The following MEIS2 variants were observed in gnomAD, a reference collection of about 807,000 sequenced individuals.
MEIS2 encodes the protein Meis homeobox 2.
In MEIS2, 9 loss-of-function variants were observed where a neutral mutation model predicts 58.6. The observed-to-expected ratio is 0.15, with a 90% CI of 0.09 to 0.27. MEIS2 has a LOEUF of 0.27. MEIS2 is among the 10% of genes least tolerant of loss of function. MEIS2 has a pLI of 1.00. For synonymous variants in MEIS2, 221 were observed against 228.4 expected, an observed-to-expected ratio of 0.97 and a Z score of 0.29; for missense variants, 427 against 635.0, an observed-to-expected ratio of 0.67 and a Z score of 3.52.
chr15:37,063,422 A>G (rs1475645147), intron 7 of MEIS2, among the ~76,000 whole-genome samples: 1 of 152,152 alleles, frequency 6.6e-6, no homozygotes, highest in African/African-American at 2.4e-5. Context: ...GATAGACCTG[A>G]TTTACAATCT....
At chr15:37,071,305 C>T (rs1003954720) in intron 7 of MEIS2, among the ~76,000 whole-genome samples, 1 of 152,038 alleles carries the variant, frequency 6.6e-6, no homozygotes, top group Non-Finnish European at 1.5e-5. Context: ...ACCAGGGGAA[C>T]CTCGTGTGTC....
chr15:36,942,965 C>G (rs561348009), intron 9 of MEIS2, among the ~76,000 whole-genome samples: 1 of 152,096 alleles, frequency 6.6e-6, no homozygotes, highest in Non-Finnish European at 1.5e-5. Context: ...TTTGCATTTA[C>G]AAGCCCCCTT....
chr15:37,030,958 G>C (rs914829710), intron 8 of MEIS2, among the ~76,000 whole-genome samples: 1 of 152,134 alleles, frequency 6.6e-6, no homozygotes, highest in African/African-American at 2.4e-5. Context: ...GATTTGTTTG[G>C]CAAAACCTGG....
chr15:36,948,335 A>G (rs1020130289), intron 9 of MEIS2, among the ~76,000 whole-genome samples: 22 of 151,942 alleles, frequency 1.4e-4, no homozygotes, highest in Admixed American at 6.6e-5. Flanking sequence ...AATGGAATTC[A>G]GAAAGGAAGG....
intron 8 of MEIS2, among the ~76,000 whole-genome samples, chr15:36,966,784 A>G (rs745737329): frequency 3.3e-5 from 5 of 152,146 alleles, no homozygotes; most frequent in Non-Finnish European, 5.9e-5. Flanking sequence ...CACTATACAG[A>G]GATAGAAAAT....
At chr15:36,991,171 T>C (rs1245664868) in intron 8 of MEIS2, among the ~76,000 whole-genome samples, 1 of 152,124 alleles carries the variant, frequency 6.6e-6, no homozygotes, top group Non-Finnish European at 1.5e-5. Flanking sequence ...TAAAGCAAAA[T>C]GCTCTAGAAT....
Position 37,011,607 on chromosome 15 carries a change from G to GT in MEIS2, c.900+25206dup, listed in dbSNP as rs574386772. Among the ~76,000 whole-genome samples, 39 of 66,762 alleles carry GT rather than the reference G, an allele frequency of 5.8e-4. 4 individuals carry two copies. Among genetic ancestry groups the GT allele is most frequent in the African/African-American group, 1.7e-3 (26 of 15,418 alleles). The allele number at this position is 66,762 out of a possible 152,430, so 43.8% of individuals were successfully genotyped here. On this transcript the variant is annotated intron_variant, in intron 8 of 11. Coordinates refer to ENST00000561208, the MANE Select transcript of MEIS2 (RefSeq NM_170675.5). ...GTTTACAGACCAGCATCTATCAGTG[G>GT]TTTTTTTTTTTTTTTTTTTTTTTTT...
intron 6 of MEIS2, among the ~76,000 whole-genome samples, chr15:37,087,719 T>C (rs779743869): frequency 3.3e-5 from 5 of 152,114 alleles, no homozygotes; most frequent in Non-Finnish European, 5.9e-5. Context: ...CTTGTTGAAG[T>C]TGCAGATACA....
intron 7 of MEIS2, among the ~76,000 whole-genome samples, chr15:37,049,635 C>T (rs150585685): frequency 0.036 from 5,442 of 151,822 alleles, 138 homozygotes; most frequent in East Asian, 0.089. Context: ...TACTGGTGTG[C>T]GCCACCATGC....
At chr15:36,968,465 G>A (rs1342879394) in intron 8 of MEIS2, among the ~76,000 whole-genome samples, 1 of 152,174 alleles carries the variant, frequency 6.6e-6, no homozygotes. Context: ...GCTGTGTTGA[G>A]AGCTGCCTAG....
intron 9 of MEIS2, among the ~76,000 whole-genome samples, chr15:36,920,558 G>A (rs1471664786): frequency 1.3e-5 from 2 of 152,204 alleles, no homozygotes; most frequent in Non-Finnish European, 2.9e-5. Context: ...AATAAAAACA[G>A]GTCTGCTAAA....
At chr15:37,051,390 T>C (rs928930358) in intron 7 of MEIS2, among the ~76,000 whole-genome samples, 5 of 152,192 alleles carry the variant, frequency 3.3e-5, no homozygotes, top group African/African-American at 1.2e-4. Context: ...ATTTCAAATA[T>C]ATTAAATTCT....
intron 9 of MEIS2, among the ~76,000 whole-genome samples, chr15:36,912,929 G>A (rs530318751): frequency 1.3e-5 from 2 of 152,178 alleles, no homozygotes; most frequent in South Asian, 4.2e-4. Context: ...CCCTCAGGCT[G>A]TGGAAGGGCT....
At chr15:37,025,419 T>C (rs2061668371) in intron 8 of MEIS2, among the ~76,000 whole-genome samples, 1 of 152,168 alleles carries the variant, frequency 6.6e-6, no homozygotes, top group East Asian at 1.9e-4. Context: ...CTGCTTCTGG[T>C]ATATATATAA....
chr15:36,971,534 C>T (rs1163346563), intron 8 of MEIS2, among the ~76,000 whole-genome samples: 1 of 2,948 alleles, frequency 3.4e-4, no homozygotes, highest in African/African-American at 2.7e-3. Context: ...TGCCTTGTTA[C>T]ATTAAAAAAA....
intron 9 of MEIS2, among the ~76,000 whole-genome samples, chr15:36,925,669 T>C (rs2057718620): frequency 6.6e-6 from 1 of 152,228 alleles, no homozygotes; most frequent in African/African-American, 2.4e-5. Context: ...CAGACCTTTA[T>C]TTCTCTCACA....
chr15:36,999,961 C>A (rs1044062785), intron 8 of MEIS2, among the ~76,000 whole-genome samples: 5 of 152,100 alleles, frequency 3.3e-5, no homozygotes, highest in Non-Finnish European at 7.4e-5. Flanking sequence ...CAAAGAGTCA[C>A]CAGGCCTAGA....
chr15:36,969,127 G>A (rs1362395368), intron 8 of MEIS2, among the ~76,000 whole-genome samples: 1 of 152,130 alleles, frequency 6.6e-6, no homozygotes, highest in African/African-American at 2.4e-5. Context: ...CCTTCCTAAT[G>A]GGACATTGTT....
intron 9 of MEIS2, among the ~76,000 whole-genome samples, chr15:36,943,475 C>T (rs1343963031): frequency 6.6e-6 from 1 of 152,042 alleles, no homozygotes; most frequent in Non-Finnish European, 1.5e-5. Flanking sequence ...AAATTTCTTT[C>T]CATATTTAGA....
Sources: gnomAD v4.1 joint callset for allele counts (sites outside exome capture counted in the v4.1 genomes callset) on GRCh38, gnomAD v4.1.1 for gene constraint, MANE v1.5 for transcripts, NCBI Gene and HGNC (gene_info 2026-07-23, HGNC 2026-07-21) for gene names.